MAP3K21: variants seen among roughly 807,000 people sequenced by gnomAD.
MAP3K21 encodes the protein mitogen-activated protein kinase kinase kinase MLK4.
MAP3K21 carries 63 observed loss-of-function variants against 86.1 expected under a neutral mutation model. That is an observed-to-expected ratio of 0.73 (90% CI 0.60 to 0.90). The LOEUF is 0.90. MAP3K21 is among the 40% of genes least tolerant of loss of function. MAP3K21 has a pLI of 0.00. For missense variants in MAP3K21, 1,220 were observed against 1,367.7 expected (o/e 0.89, Z 1.70); for synonymous variants, 558 against 564.8 (o/e 0.99, Z 0.17).
In MAP3K21 at chr1:233,327,822, C is replaced by A. The variant is rs1044895681; in HGVS notation, c.-207C>A. ...TCGCCCGCGGCTTCGGGGACCGCTG[C>A]GGCAGCAGAGGCGGCTGGCCAGGAA... is the stretch of plus-strand genomic sequence containing the variant. On this transcript the variant is annotated 5_prime_UTR_variant, in exon 1 of 10. Coordinates refer to ENST00000366624, the MANE Select transcript of MAP3K21 (RefSeq NM_032435.3). 1 of 368,350 alleles carries A rather than the reference C, an allele frequency of 2.7e-6. No homozygotes were observed. Among genetic ancestry groups the A allele is most frequent in the Non-Finnish European group, 4.7e-6 (1 of 212,454 alleles). 22.8% of individuals were successfully genotyped at this position (368,350 alleles called of 1,614,324 possible). A position where few individuals can be genotyped will look rare whatever the true frequency, so the allele number is the denominator to read the frequency against.
intron 1 of MAP3K21, among the ~76,000 whole-genome samples, chr1:233,340,427 T>C (rs956329056): frequency 2.0e-5 from 3 of 152,134 alleles, no homozygotes; most frequent in African/African-American, 7.2e-5. Context: ...ATTTTAGAAA[T>C]GGCACACAGA....
intron 4 of MAP3K21, among the ~76,000 whole-genome samples, chr1:233,358,851 C>T (rs1302015916): frequency 6.6e-6 from 1 of 151,992 alleles, no homozygotes; most frequent in Non-Finnish European, 1.5e-5. Flanking sequence ...ACTCTGTTAC[C>T]CAGGTTGCAG....
At chr1:233,366,542 G>A (rs1663577575) in intron 5 of MAP3K21, among the ~76,000 whole-genome samples, 1 of 152,028 alleles carries the variant, frequency 6.6e-6, no homozygotes, top group South Asian at 2.1e-4. Flanking sequence ...ACTGTTCAGG[G>A]AGAAACGTGA....
At chr1:233,343,297 T>G (rs1663072968) in intron 1 of MAP3K21, among the ~76,000 whole-genome samples, 1 of 152,208 alleles carries the variant, frequency 6.6e-6, no homozygotes, top group Admixed American at 6.5e-5. Flanking sequence ...AGTGTGTGTG[T>G]GTGAAATTCT....
chr1:233,327,824 G>A lies in MAP3K21; in HGVS notation c.-205G>A. 2.7e-6 allele frequency: 1 copy of A among 371,110 alleles called. No homozygotes were observed. The highest frequency in any genetic ancestry group is 4.7e-6 in the Non-Finnish European group (1 of 214,330). 23.0% of individuals were successfully genotyped at this position (371,110 alleles called of 1,614,324 possible). ...GCCCGCGGCTTCGGGGACCGCTGCGGCAGCAGAGGCGGCTGGCCAGGAACG... is the reference window on the plus strand; with the variant it reads ...GCCCGCGGCTTCGGGGACCGCTGCGACAGCAGAGGCGGCTGGCCAGGAACG... On this transcript the variant is annotated 5_prime_UTR_variant, in exon 1 of 10. Transcript: ENST00000366624.
rs531166053 is a variant in MAP3K21 at position 233,382,798 on chromosome 1, G to A, written c.*87G>A. The A allele has an allele frequency of 8.0e-5, 98 of 1,224,966 alleles. 1 individual carries two copies. In the South Asian group the frequency reaches 1.3e-3, roughly 17 times the overall value. 75.9% of individuals were successfully genotyped at this position (1,224,966 alleles called of 1,614,324 possible). The stretch of plus-strand genomic sequence containing the variant: ...TACCTTTGAACTGTTTCATGCTGCT[G>A]TGTTTTCAAAAGCTGTGGCCATGTT... On this transcript the variant is annotated 3_prime_UTR_variant, in exon 10 of 10. Transcript: ENST00000366624.
Position 233,328,223 on chromosome 1 carries a change from G to T in MAP3K21, c.195G>T (p.Val65=), listed in dbSNP as rs1662732957. The part of the protein sequence containing the change: ...DELSLRRGQL[V]EVLSQDAAVS... ...TGAGCCTGCGGCGCGGCCAGCTGGT[G>T]GAGGTGCTGTCGCAGGACGCCGCCG... Residue 65 remains valine, a synonymous_variant, in exon 1 of 10, where the codon GTG becomes GTT. Coordinates refer to ENST00000366624, the MANE Select transcript of MAP3K21 (RefSeq NM_032435.3). The surrounding 1 kb of genome is among the most constrained non-coding windows in gnomAD (Gnocchi z 8.7). 1 of 1,490,842 alleles carries T rather than the reference G, an allele frequency of 6.7e-7. No individual in the cohort carries two copies. The highest frequency in any genetic ancestry group is 8.9e-7 in the Non-Finnish European group (1 of 1,128,732). The allele number at this position is 1,490,842 out of a possible 1,614,324, so 92.4% of individuals were successfully genotyped here.
At chr1:233,362,356 T>C (rs750677736) in intron 5 of MAP3K21, 63 bp downstream of exon 5, 58 of 1,568,068 alleles carry the variant, frequency 3.7e-5, no homozygotes, top group Non-Finnish European at 5.0e-5. Flanking sequence ...TCAGTTTTCT[T>C]TGTTCATCAG....
chr1:233,354,702 G>A, intron 3 of MAP3K21, 134 bp from the exon 4 acceptor site: 2 of 714,570 alleles, frequency 2.8e-6, no homozygotes, highest in Non-Finnish European at 4.8e-6. Flanking sequence ...ATCTTCAGGA[G>A]CAGATACTAT....
rs1262976852 is a variant in MAP3K21 at position 233,382,933 on chromosome 1, A to C, written c.*222A>C. ...TTTCTTATAACTTGGAATACACAAA[A>C]GTGTAAAACAAGAGATGTGCACCAA... is the stretch of plus-strand genomic sequence containing the variant. On this transcript the variant is annotated 3_prime_UTR_variant, in exon 10 of 10. Transcript: ENST00000366624. The C allele has an allele frequency of 2.0e-6, 1 of 488,216 alleles. No individual in the cohort carries two copies. 30.2% of individuals were successfully genotyped at this position (488,216 alleles called of 1,614,324 possible).
rs200129562 is a variant in MAP3K21, at chr1:233,376,572, C to T, written c.1924+45C>T. 4,512 of 1,352,928 alleles carry T rather than the reference C, an allele frequency of 3.3e-3. 16 individuals are homozygous for T. The highest frequency in any genetic ancestry group is 4.0e-3 in the Non-Finnish European group (3,779 of 951,028). 83.8% of individuals were successfully genotyped at this position (1,352,928 alleles called of 1,614,324 possible). A position where few individuals can be genotyped will look rare whatever the true frequency, so the allele number is the denominator to read the frequency against. On this transcript the variant is annotated intron_variant, in intron 8 of 9. Transcript: ENST00000366624. Reference sequence around the variant, plus strand: ...TAGGATTTGCTTGAGCAGTCCTTGGCATCTGATTGTGCTGAAGCTTTGCTT... The same window carrying T: ...TAGGATTTGCTTGAGCAGTCCTTGGTATCTGATTGTGCTGAAGCTTTGCTT...
rs747611273 is a variant in MAP3K21, at chr1:233,375,663, G to T, written c.1676-253G>T. ...AAATGCTAAATAAATAGATTAAAAA[G>T]TAATCAAATCTTTGCTGCTAATTTA... On this transcript the variant is annotated intron_variant, in intron 6 of 9. Transcript: ENST00000366624. 4 of 485,838 alleles carry T rather than the reference G, an allele frequency of 8.2e-6. No individual in the cohort carries two copies. In the South Asian group the frequency reaches 1.4e-4, roughly 17 times the overall value. The allele number at this position is 485,838 out of a possible 1,614,324, so 30.1% of individuals were successfully genotyped here. A position where few individuals can be genotyped will look rare whatever the true frequency, so the allele number is the denominator to read the frequency against.
rs1381696935 is a variant in MAP3K21 at position 233,375,902 on chromosome 1, A to T, written c.1676-14A>T. On this transcript the variant is annotated splice_polypyrimidine_tract_variant and intron_variant, in intron 6 of 9. Coordinates refer to ENST00000366624, the MANE Select transcript of MAP3K21 (RefSeq NM_032435.3). ...GATTGTTGTGGTTAATATGGTTAATAATGTTCTTTTTAGTGACTTCAGATG... is the reference window on the plus strand; with the variant it reads ...GATTGTTGTGGTTAATATGGTTAATTATGTTCTTTTTAGTGACTTCAGATG... 6 of 1,602,880 alleles carry T rather than the reference A, an allele frequency of 3.7e-6. No individual in the cohort carries two copies. In the Admixed American group the frequency reaches 5.0e-5, roughly 13 times the overall value.
intron 1 of MAP3K21, among the ~76,000 whole-genome samples, chr1:233,334,603 G>T (rs1772774): frequency 9.3e-6 from 1 of 107,560 alleles, no homozygotes; most frequent in Non-Finnish European, 2.1e-5. Context: ...GGGTTTTTTT[G>T]GGGGGGAAGG....
chr1:233,368,460 C>G (rs568621673), intron 5 of MAP3K21, among the ~76,000 whole-genome samples: 1 of 152,172 alleles, frequency 6.6e-6, no homozygotes, highest in South Asian at 2.1e-4. Context: ...TCAAGACCAG[C>G]CTGGGCAACA....
At chr1:233,356,588 G>T (rs1315957971) in intron 4 of MAP3K21, among the ~76,000 whole-genome samples, 2 of 152,042 alleles carry the variant, frequency 1.3e-5, no homozygotes, top group African/African-American at 2.4e-5. Flanking sequence ...TTCCACTTCC[G>T]CTTACAGATT....
At chr1:233,363,733 A>T (rs1332395406) in intron 5 of MAP3K21, among the ~76,000 whole-genome samples, 1 of 149,074 alleles carries the variant, frequency 6.7e-6, no homozygotes, top group African/African-American at 2.5e-5. Flanking sequence ...AAGGCTGGGC[A>T]TGGTGGCTCA....
chr1:233,372,180 A>G lies in MAP3K21; in HGVS notation c.1675+20A>G, dbSNP rs757670511. The G allele has an allele frequency of 5.0e-6, 8 of 1,613,262 alleles. No individual in the cohort carries two copies. The highest frequency in any genetic ancestry group is 2.2e-5 in the South Asian group (2 of 90,916). Reference sequence around the variant, plus strand: ...TACAGTGTGAGCTTTCTGCACTGCCACGGGGGCTCCTGTGTTGACTTCTCT... The same window carrying G: ...TACAGTGTGAGCTTTCTGCACTGCCGCGGGGGCTCCTGTGTTGACTTCTCT... On this transcript the variant is annotated intron_variant, in intron 6 of 9. Coordinates refer to ENST00000366624, the MANE Select transcript of MAP3K21 (RefSeq NM_032435.3).
intron 1 of MAP3K21, among the ~76,000 whole-genome samples, chr1:233,338,522 C>G (rs898963422): frequency 3.3e-5 from 5 of 152,138 alleles, no homozygotes; most frequent in Non-Finnish European, 7.4e-5. Flanking sequence ...TTGAAGTGAG[C>G]AGTCAAAGAT....
Sources: gnomAD v4.1 joint callset for allele counts (sites outside exome capture counted in the v4.1 genomes callset) on GRCh38, gnomAD v4.1.1 for gene constraint, Gnocchi (gnomAD v3.1) non-coding constraint, MANE v1.5 for transcripts, NCBI Gene and HGNC (gene_info 2026-07-23, HGNC 2026-07-21) for gene names.